Variants in CROCC2 observed in about 807,000 individuals in gnomAD.
CROCC2 encodes ciliary rootlet coiled-coil, rootletin family member 2, also known as ciliary rootlet coiled-coil protein 2.
CROCC2 carries 163 observed loss-of-function variants against 177.6 expected under a neutral mutation model. That is an observed-to-expected ratio of 0.92 (90% CI 0.81 to 1.05). CROCC2 has a LOEUF of 1.05. Ranked by LOEUF, CROCC2 falls within the 50% of genes least tolerant of loss-of-function variation. The probability of loss-of-function intolerance (pLI) is 0.00; values close to 1 mark genes in which losing one functional copy is unlikely to be tolerated. For missense variants in CROCC2, 1,929 were observed against 1,797.8 expected (o/e 1.07, Z -1.32); for synonymous variants, 904 against 787.3 (o/e 1.15, Z -2.48).
chr2:240,945,227 C>T (rs1300608626), intron 14 of CROCC2, among the ~76,000 whole-genome samples: 4 of 152,238 alleles, frequency 2.6e-5, no homozygotes, highest in Non-Finnish European at 5.9e-5. Context: ...TGAGCCGCCT[C>T]AGCTGGCCAG....
chr2:240,962,657 G>GT, intron 20 of CROCC2, among the ~76,000 whole-genome samples: 1 of 152,244 alleles, frequency 6.6e-6, no homozygotes. Flanking sequence ...CGGAGTCTTT[G>GT]TGGCTTCCAT....
intron 1 of CROCC2, among the ~76,000 whole-genome samples, chr2:240,911,854 C>T (rs2059290958): frequency 6.6e-6 from 1 of 152,154 alleles, no homozygotes; most frequent in Non-Finnish European, 1.5e-5. Flanking sequence ...TAATGTTCTA[C>T]TCATAGAGGG....
In CROCC2 at chr2:240,934,360, A is replaced by C. The variant is rs1383049379; in HGVS notation, c.1676A>C (p.Lys559Thr). ...GGCCGCCTGCAGCAGCTGGAGGAGAAGGTCTCCGGGCTCAGAGAGGAGCTG... is the reference window on the plus strand; with the variant it reads ...GGCCGCCTGCAGCAGCTGGAGGAGACGGTCTCCGGGCTCAGAGAGGAGCTG... ...SQGRLQQLEE[K>T]VSGLREELAS... The change falls in exon 12 of 32, where the codon AAG (lysine) becomes ACG (threonine). Residue 559 changes from lysine (K) to threonine (T), a missense_variant. Physicochemically the swap from Lys to Thr is moderately conservative, Grantham distance 78 (BLOSUM62 -1). Around this residue, in one of 3 missense-constraint regions of CROCC2, gnomAD observed 1,397 missense variants for 1,239.9 expected, o/e 1.13. Coordinates refer to ENST00000690015, the MANE Select transcript of CROCC2 (RefSeq NM_001351305.2). 3.9e-6 allele frequency: 6 copies of C among 1,548,664 alleles called. No individual in the cohort carries two copies. Among genetic ancestry groups the C allele is most frequent in the Non-Finnish European group, 2.6e-6 (3 of 1,146,888 alleles).
chr2:240,922,637 C>A lies in CROCC2; in HGVS notation c.480C>A (p.Ala160=). ...LEEALGRLEA[A]EERSTGLCQV... is the part of the protein sequence containing the mutation. ...AGGCCCTTGGCCGTCTGGAGGCTGC[C>A]GAGGAGAGGTGAGGCCAGGTGCGGG... The change falls in exon 4 of 32, where the codon GCC becomes GCA. Residue 160 remains alanine, a synonymous_variant. Coordinates refer to ENST00000690015, the MANE Select transcript of CROCC2 (RefSeq NM_001351305.2). The A allele has an allele frequency of 1.5e-6, 1 of 651,160 alleles. No homozygotes were observed. Among genetic ancestry groups the A allele is most frequent in the Non-Finnish European group, 2.9e-6 (1 of 349,814 alleles). 40.3% of individuals were successfully genotyped at this position (651,160 alleles called of 1,614,324 possible).
chr2:240,907,155 G>A (rs1381555761), intron 1 of CROCC2, among the ~76,000 whole-genome samples: 1 of 152,196 alleles, frequency 6.6e-6, no homozygotes, highest in Non-Finnish European at 1.5e-5. Flanking sequence ...CCTCTCGGGG[G>A]ACAGTGTTTC....
At chr2:240,959,697 T>A in intron 20 of CROCC2, 1 of 391,762 alleles carries the variant, frequency 2.6e-6, no homozygotes. Context: ...GGCCATTGGC[T>A]AAGGGAAGCT....
At position 240,925,832 on chromosome 2, in the gene CROCC2, G is replaced by A. The variant is rs1471497836; in HGVS notation, c.597G>A (p.Val199=). Residue 199 remains valine (V), a synonymous_variant, in exon 5 of 32, where the codon GTG becomes GTA. Transcript: ENST00000690015. The part of the protein sequence containing the change: ...GRELAGMTGS[V]QRLQGELELR... ...AGCTGGCCGGGATGACGGGCAGCGT[G>A]CAGCGCCTGCAGGGCGAGCTGGAGC... The A allele has an allele frequency of 2.8e-6, 2 of 716,180 alleles. No homozygotes were observed. Among genetic ancestry groups the A allele is most frequent in the South Asian group, 3.0e-5 (2 of 67,520 alleles). The allele number at this position is 716,180 out of a possible 1,614,324, so 44.4% of individuals were successfully genotyped here. A position where few individuals can be genotyped will look rare whatever the true frequency, so the allele number is the denominator to read the frequency against.
At chr2:240,992,296 C>T (rs893589685) in intron 31 of CROCC2, among the ~76,000 whole-genome samples, 5 of 152,184 alleles carry the variant, frequency 3.3e-5, no homozygotes, top group African/African-American at 2.4e-5. Context: ...AGGGGCCTCC[C>T]GTCCCAGTCG....
Position 240,973,524 on chromosome 2 carries a change from CA to C in CROCC2, c.4401+5263del, listed in dbSNP as rs1198805488. On this transcript the variant is annotated intron_variant, in intron 27 of 31. Coordinates refer to ENST00000690015, the MANE Select transcript of CROCC2 (RefSeq NM_001351305.2). This position sits in a 1 kb window ranked among gnomAD's most constrained non-coding sequence, Gnocchi z 4.7. Reference sequence around the variant, plus strand: ...GACTCTTGCCCAGGCCTCCTTCCCCCACTGTGCCCACGTGCCACACCCACCC... The same window carrying C: ...GACTCTTGCCCAGGCCTCCTTCCCCCCTGTGCCCACGTGCCACACCCACCC... Among the ~76,000 whole-genome samples the C allele has an allele frequency of 2.6e-5, 4 of 151,766 alleles. No individual in the cohort carries two copies. The highest frequency in any genetic ancestry group is 9.7e-5 in the African/African-American group (4 of 41,312).
At position 240,967,415 on chromosome 2, in the gene CROCC2, C is replaced by A; in HGVS notation, c.4217C>A (p.Ala1406Asp). Reference sequence around the variant, plus strand: ...GAGGCAGAGTGCAGGTGTGCCCGGGCCCAGAGCCGCGTGGGGCAGCTGCAG... The same window carrying A: ...GAGGCAGAGTGCAGGTGTGCCCGGGACCAGAGCCGCGTGGGGCAGCTGCAG... ...LSEAECRCARAQSRVGQLQKA... is the reference protein window; with the variant it reads ...LSEAECRCARDQSRVGQLQKA... Residue 1406 changes from alanine to aspartate, a missense_variant, in exon 26 of 32, where the codon GCC becomes GAC. By Grantham distance (126) the Ala-to-Asp change is moderately radical. Coordinates refer to ENST00000690015, the MANE Select transcript of CROCC2 (RefSeq NM_001351305.2). 1 of 1,129,898 alleles carries A rather than the reference C, an allele frequency of 8.9e-7. No homozygotes were observed. Among genetic ancestry groups the A allele is most frequent in the South Asian group, 1.3e-5 (1 of 75,752 alleles). 70.0% of individuals were successfully genotyped at this position (1,129,898 alleles called of 1,614,324 possible).
intron 20 of CROCC2, among the ~76,000 whole-genome samples, chr2:240,961,890 G>C (rs536896281): frequency 8.4e-6 from 1 of 119,200 alleles, no homozygotes; most frequent in South Asian, 2.7e-4. Flanking sequence ...TCACACACAT[G>C]TACACACACA....
At chr2:240,910,581 T>G (rs2059281212) in intron 1 of CROCC2, among the ~76,000 whole-genome samples, 1 of 152,196 alleles carries the variant, frequency 6.6e-6, no homozygotes, top group South Asian at 2.1e-4. Context: ...CAGACAGCCT[T>G]GGGTCTGGAA....
intron 19 of CROCC2, chr2:240,956,257 G>A (rs560946090): frequency 2.1e-6 from 1 of 473,122 alleles, no homozygotes; most frequent in Admixed American, 3.3e-5. Flanking sequence ...GGCCCAGCTG[G>A]GGGCCTCCCA....
intron 15 of CROCC2, among the ~76,000 whole-genome samples, chr2:240,947,164 C>T (rs568661320): frequency 6.6e-6 from 1 of 152,252 alleles, no homozygotes; most frequent in Non-Finnish European, 1.5e-5. Context: ...GCATGAGAAA[C>T]CTTGGAGTCT....
intron 21 of CROCC2, 95 bp downstream of exon 21, chr2:240,963,868 GT>G: frequency 1.5e-6 from 2 of 1,335,866 alleles, no homozygotes; most frequent in South Asian, 2.8e-5. Flanking sequence ...AGGCAGGGGC[GT>G]CCTGTTGACT....
At chr2:240,930,721 C>G (rs1390137844) in intron 6 of CROCC2, among the ~76,000 whole-genome samples, 1 of 152,080 alleles carries the variant, frequency 6.6e-6, no homozygotes, top group Non-Finnish European at 1.5e-5. Flanking sequence ...GCTGCTGAAG[C>G]CTGAAGTGTG....
At chr2:240,919,202 G>A (rs550791646) in intron 2 of CROCC2, among the ~76,000 whole-genome samples, 1 of 151,900 alleles carries the variant, frequency 6.6e-6, no homozygotes, top group Non-Finnish European at 1.5e-5. Context: ...CTGGGCCTGG[G>A]GCTGGCCTCA....
At chr2:240,913,964 GGC>G (rs2059303124) in intron 1 of CROCC2, among the ~76,000 whole-genome samples, 1 of 152,272 alleles carries the variant, frequency 6.6e-6, no homozygotes, top group Non-Finnish European at 1.5e-5. Flanking sequence ...CTCCTGGCAA[GGC>G]CAGACTTCCC....
rs963852703 is a variant in CROCC2 at position 240,958,032 on chromosome 2, G to C, written c.2944-1269G>C. 2.0e-6 allele frequency: 2 copies of C among 985,250 alleles called. No homozygotes were observed. The highest frequency in any genetic ancestry group is 1.7e-5 in the African/African-American group (1 of 57,234). 61.0% of individuals were successfully genotyped at this position (985,250 alleles called of 1,614,324 possible). ...CTGGCCCTGAGTCTCCCCCGGACTC[G>C]GTACCAGGCCTGCCAGCCAGCCGGC... On this transcript the variant is annotated intron_variant, in intron 19 of 31. Coordinates refer to ENST00000690015, the MANE Select transcript of CROCC2 (RefSeq NM_001351305.2). The surrounding 1 kb of genome is among the most constrained non-coding windows in gnomAD (Gnocchi z 6.7).
Sources: gnomAD v4.1 joint callset for allele counts (sites outside exome capture counted in the v4.1 genomes callset) on GRCh38, gnomAD v4.1.1 for gene constraint, gnomAD v4.1.1 regional missense constraint, Gnocchi (gnomAD v3.1) non-coding constraint, MANE v1.5 for transcripts, NCBI Gene and HGNC (gene_info 2026-07-23, HGNC 2026-07-21) for gene names.